MAST4: variants seen among roughly 807,000 people sequenced by gnomAD.
MAST4 encodes the protein microtubule associated serine/threonine kinase family member 4.
In MAST4, 89 loss-of-function variants were observed where a neutral mutation model predicts 162.7. The observed-to-expected ratio is 0.55, with a 90% CI of 0.46 to 0.65. The LOEUF is 0.65. MAST4 is among the 30% of genes least tolerant of loss of function. The probability of loss-of-function intolerance (pLI) is 0.00; values close to 1 mark genes in which losing one functional copy is unlikely to be tolerated. For missense variants in MAST4, 3,153 were observed against 3,374.0 expected (o/e 0.93, Z 1.62); for synonymous variants, 1,479 against 1,361.1 (o/e 1.09, Z -1.91).
chr5:67,132,083 A>G, intron 16 of MAST4, 132 bp downstream of exon 16: 1 of 1,020,168 alleles, frequency 9.8e-7, no homozygotes, highest in Non-Finnish European at 1.4e-6. Context: ...TTGTTTTAAC[A>G]GTATATATGG....
At chr5:67,000,480 G>A (rs1345746782) in intron 4 of MAST4, among the ~76,000 whole-genome samples, 1 of 152,182 alleles carries the variant, frequency 6.6e-6, no homozygotes, top group African/African-American at 2.4e-5. Context: ...GCCGGCTGTG[G>A]TGGCTCACGC....
intron 5 of MAST4, among the ~76,000 whole-genome samples, chr5:67,082,993 G>A (rs1439755729): frequency 1.3e-5 from 2 of 152,168 alleles, no homozygotes; most frequent in Non-Finnish European, 2.9e-5. Flanking sequence ...ATTCTGATAT[G>A]CAGTTCCCAT....
intron 5 of MAST4, among the ~76,000 whole-genome samples, chr5:67,088,283 T>C (rs560998074): frequency 4.2e-4 from 64 of 152,344 alleles, no homozygotes; most frequent in Admixed American, 2.4e-3. Context: ...CCAGGTTTCA[T>C]TGGCCTTATG....
chr5:66,887,778 G>A (rs1217985166), intron 3 of MAST4, among the ~76,000 whole-genome samples: 1 of 152,210 alleles, frequency 6.6e-6, no homozygotes, highest in East Asian at 1.9e-4. Context: ...TGCAATGGCA[G>A]CCACAGCTGT....
chr5:66,826,621 G>A (rs866605290), intron 3 of MAST4, among the ~76,000 whole-genome samples: 37 of 145,728 alleles, frequency 2.5e-4, no homozygotes, highest in African/African-American at 7.3e-4. Context: ...CCAATCCCCC[G>A]TCTCTTTCTC....
intron 4 of MAST4, among the ~76,000 whole-genome samples, chr5:66,909,143 G>T (rs1272522031): frequency 6.6e-6 from 1 of 152,082 alleles, no homozygotes; most frequent in Non-Finnish European, 1.5e-5. Context: ...ATTTTCTCAG[G>T]GGCTGTTCCA....
At chr5:67,107,737 T>C (rs1409725539) in intron 10 of MAST4, among the ~76,000 whole-genome samples, 1 of 152,238 alleles carries the variant, frequency 6.6e-6, no homozygotes, top group East Asian at 1.9e-4. Context: ...TTGAGCAGCT[T>C]AATGCCTTTT....
At chr5:67,069,512 G>A (rs1760670166) in intron 5 of MAST4, among the ~76,000 whole-genome samples, 1 of 152,040 alleles carries the variant, frequency 6.6e-6, no homozygotes, top group African/African-American at 2.4e-5. Context: ...AAAAGAATGG[G>A]TTAGCTGGTT....
At chr5:67,078,522 AT>A (rs907345901) in intron 5 of MAST4, among the ~76,000 whole-genome samples, 5 of 150,666 alleles carry the variant, frequency 3.3e-5, no homozygotes, top group African/African-American at 1.2e-4. Flanking sequence ...AATTAGCTTG[AT>A]TGTGGTAATC....
intron 6 of MAST4, among the ~76,000 whole-genome samples, chr5:67,091,373 C>T (rs1228347042): frequency 2.0e-5 from 3 of 152,088 alleles, no homozygotes; most frequent in African/African-American, 7.2e-5. Flanking sequence ...ACCATGGGGA[C>T]AATACAAGAG....
intron 5 of MAST4, among the ~76,000 whole-genome samples, chr5:67,074,539 C>T (rs1761365482): frequency 6.6e-6 from 1 of 151,838 alleles, no homozygotes. Flanking sequence ...TTGGAAACAC[C>T]CTAAACATTA....
chr5:66,663,760 A>G (rs930533677), intron 1 of MAST4, among the ~76,000 whole-genome samples: 1 of 152,180 alleles, frequency 6.6e-6, no homozygotes, highest in Non-Finnish European at 1.5e-5. Flanking sequence ...TGCTTTTTAT[A>G]CTGGTTAAGA....
chr5:66,954,511 T>C (rs1026580468), intron 4 of MAST4, among the ~76,000 whole-genome samples: 2 of 151,630 alleles, frequency 1.3e-5, no homozygotes, highest in Non-Finnish European at 3.0e-5. Context: ...TAAACAGCTA[T>C]AAACAACACA....
intron 1 of MAST4, among the ~76,000 whole-genome samples, chr5:66,723,568 A>G (rs947776681): frequency 6.6e-6 from 1 of 152,130 alleles, no homozygotes; most frequent in African/African-American, 2.4e-5. Context: ...TTTATTTTTG[A>G]TCACATATCG....
chr5:66,690,902 A>G (rs2149495419), intron 1 of MAST4, among the ~76,000 whole-genome samples: 1 of 152,310 alleles, frequency 6.6e-6, no homozygotes, highest in Middle Eastern at 3.4e-3. Context: ...CCTGTGGGGC[A>G]TTTTGAAGTA....
rs1185868409 is a variant in MAST4, at chr5:66,892,089, CTTATGCATCA to C, written c.643-7849_643-7840del. Reference sequence around the variant, plus strand: ...GCCCTGAGCAAACATCATTTTGCATCTTATGCATCATTATGCATCATTTTGCATTTGCTCA... The same window carrying C: ...GCCCTGAGCAAACATCATTTTGCATCTTATGCATCATTTTGCATTTGCTCA... On this transcript the variant is annotated intron_variant, in intron 3 of 28. Transcript: ENST00000403625. Among the ~76,000 whole-genome samples, 7 of 152,220 alleles carry C rather than the reference CTTATGCATCA, an allele frequency of 4.6e-5. No homozygotes were observed. The East Asian group carries it at 1.3e-3, about 29-fold the overall frequency.
intron 14 of MAST4, among the ~76,000 whole-genome samples, chr5:67,129,572 A>G (rs945088220): frequency 6.6e-6 from 1 of 152,042 alleles, no homozygotes; most frequent in Non-Finnish European, 1.5e-5. Flanking sequence ...AACAAGCAAA[A>G]AATTAGCTGG....
chr5:66,922,485 A>T (rs1015010880), intron 4 of MAST4, among the ~76,000 whole-genome samples: 6 of 152,224 alleles, frequency 3.9e-5, no homozygotes, highest in Admixed American at 3.9e-4. Flanking sequence ...CCTAGTTATG[A>T]ATCCCCACAA....
rs537525458 is a variant in MAST4 at position 67,010,936 on chromosome 5, G to A, written c.675-43468G>A. Among the ~76,000 whole-genome samples the A allele has an allele frequency of 3.3e-5, 5 of 152,246 alleles. No individual in the cohort carries two copies. The East Asian group carries it at 7.7e-4, about 24-fold the overall frequency. On this transcript the variant is annotated intron_variant, in intron 4 of 28. Transcript: ENST00000403625. The stretch of plus-strand genomic sequence containing the variant: ...GTGGGCAGCTAAATACAGCAGCAGC[G>A]CAGCTATGATGGCCTTGCCTCTGCA...
Sources: gnomAD v4.1 joint callset for allele counts (sites outside exome capture counted in the v4.1 genomes callset) on GRCh38, gnomAD v4.1.1 for gene constraint, MANE v1.5 for transcripts, NCBI Gene and HGNC (gene_info 2026-07-23, HGNC 2026-07-21) for gene names.